ARHGAP28: variants seen among roughly 807,000 people sequenced by gnomAD.
The protein encoded by ARHGAP28 is rho GTPase-activating protein 28.
ARHGAP28 carries 56 observed loss-of-function variants against 90.7 expected under a neutral mutation model. That is an observed-to-expected ratio of 0.62 (90% CI 0.50 to 0.77). The LOEUF (loss-of-function observed/expected upper bound fraction) is 0.77. Ranked by LOEUF, ARHGAP28 falls within the 30% of genes least tolerant of loss-of-function variation. The pLI, the probability that ARHGAP28 is intolerant of heterozygous loss-of-function variation, is 0.00. For synonymous variants in ARHGAP28, 308 were observed against 323.3 expected (o/e 0.95, Z 0.51); for missense variants, 869 against 900.9 (o/e 0.96, Z 0.45).
At chr18:6,805,984 A>G (rs1333694054) in intron 1 of ARHGAP28, among the ~76,000 whole-genome samples, 1 of 152,026 alleles carries the variant, frequency 6.6e-6, no homozygotes, top group Non-Finnish European at 1.5e-5. Flanking sequence ...TCCCGGGTTC[A>G]AGCAGTTCTC....
chr18:6,869,137 C>T lies in ARHGAP28; in HGVS notation c.811+903C>T, dbSNP rs113698800. 1.3e-4 allele frequency among the ~76,000 whole-genome samples: 20 copies of T among 152,146 alleles called. No individual in the cohort carries two copies. In the South Asian group the frequency reaches 4.2e-3, roughly 32 times the overall value. On this transcript the variant is annotated intron_variant, in intron 6 of 17. Transcript: ENST00000383472. Reference sequence around the variant, plus strand: ...CATTGGCCTGTTTAATTGCTGCTCTCCAAAGAGGCTCTTTATAGATCCATA... The same window carrying T: ...CATTGGCCTGTTTAATTGCTGCTCTTCAAAGAGGCTCTTTATAGATCCATA...
In ARHGAP28 at chr18:6,758,341, C is replaced by CT. The variant is rs869196522; in HGVS notation, c.122+28410dup. 5.3e-4 allele frequency among the ~76,000 whole-genome samples: 78 copies of CT among 146,200 alleles called. 1 individual carries two copies. Among genetic ancestry groups the CT allele is most frequent in the Middle Eastern group, 7.1e-3 (2 of 282 alleles). On this transcript the variant is annotated intron_variant, in intron 1 of 17. Transcript: ENST00000383472. ...GCTCTGGAGTCTGGTGCTTGCTTGTCTTTTTTTTTTTTGAAACAAAGTCGC... is the reference window on the plus strand; with the variant it reads ...GCTCTGGAGTCTGGTGCTTGCTTGTCTTTTTTTTTTTTTGAAACAAAGTCGC...
chr18:6,898,238 A>AG (rs2057317973), intron 16 of ARHGAP28: 1 of 405,894 alleles, frequency 2.5e-6, no homozygotes, highest in Non-Finnish European at 4.4e-6. Flanking sequence ...AGTGGAAGGT[A>AG]GGGGGTGGAG....
intron 1 of ARHGAP28, among the ~76,000 whole-genome samples, chr18:6,812,482 C>T (rs1229559702): frequency 6.6e-6 from 1 of 152,154 alleles, no homozygotes; most frequent in Non-Finnish European, 1.5e-5. Context: ...AGTAACATTA[C>T]TGGAAAATGA....
chr18:6,850,832 C>T lies in ARHGAP28; in HGVS notation c.544-202C>T, dbSNP rs1222649735. ...TTTGCTTCTGAGACGAATTCTGTTA[C>T]AGTACATGGCATTTATGAGGATCAA... On this transcript the variant is annotated intron_variant, in intron 3 of 17. Transcript: ENST00000383472. 33 of 1,522,560 alleles carry T rather than the reference C, an allele frequency of 2.2e-5. No homozygotes were observed. The East Asian group carries it at 6.6e-4, about 30-fold the overall frequency. 94.3% of individuals were successfully genotyped at this position (1,522,560 alleles called of 1,614,324 possible). A position where few individuals can be genotyped will look rare whatever the true frequency, so the allele number is the denominator to read the frequency against.
chr18:6,907,702 G>A (rs1315742583), intron 16 of ARHGAP28, among the ~76,000 whole-genome samples: 1 of 152,152 alleles, frequency 6.6e-6, no homozygotes, highest in South Asian at 2.1e-4. Flanking sequence ...GGCAACAGGG[G>A]GTGCCTTGTG....
rs1447839951 is a variant in ARHGAP28 at position 6,839,441 on chromosome 18, CA to C, written c.543+2028del. Among the ~76,000 whole-genome samples the C allele has an allele frequency of 3.9e-5, 6 of 152,026 alleles. No individual in the cohort carries two copies. In the South Asian group the frequency reaches 1.2e-3, roughly 32 times the overall value. ...CCCGAGTAACTGGGACTATAGGCGC[CA>C]GCCACCACGCCTGGCTAATTTTGTT... On this transcript the variant is annotated intron_variant, in intron 3 of 17. Transcript: ENST00000383472.
intron 1 of ARHGAP28, among the ~76,000 whole-genome samples, chr18:6,761,556 C>G (rs946666103): frequency 2.6e-5 from 4 of 152,120 alleles, no homozygotes; most frequent in Admixed American, 1.3e-4. Flanking sequence ...AGGCCCTAGG[C>G]TTGGACCATC....
At chr18:6,807,943 A>G (rs2056530825) in intron 1 of ARHGAP28, among the ~76,000 whole-genome samples, 1 of 152,194 alleles carries the variant, frequency 6.6e-6, no homozygotes, top group Non-Finnish European at 1.5e-5. Context: ...GGGCTATTGT[A>G]GGGCTCAACT....
chr18:6,871,459 G>A (rs1159517577), intron 7 of ARHGAP28, among the ~76,000 whole-genome samples: 1 of 152,150 alleles, frequency 6.6e-6, no homozygotes, highest in African/African-American at 2.4e-5. Flanking sequence ...TCATGGAACA[G>A]ACAATAAAAA....
intron 3 of ARHGAP28, among the ~76,000 whole-genome samples, chr18:6,845,263 G>A (rs1162243745): frequency 6.6e-6 from 1 of 152,006 alleles, no homozygotes; most frequent in Non-Finnish European, 1.5e-5. Context: ...ATTTTTTATA[G>A]AGATGAGGTC....
Position 6,913,144 on chromosome 18 carries a change from T to C in ARHGAP28, c.*990T>C, listed in dbSNP as rs2057407625. The C allele has an allele frequency of 6.6e-6, 1 of 152,254 alleles. No homozygotes were observed. Among genetic ancestry groups the C allele is most frequent in the Non-Finnish European group, 1.5e-5 (1 of 68,050 alleles). 9.4% of individuals were successfully genotyped at this position (152,254 alleles called of 1,614,324 possible). On this transcript the variant is annotated 3_prime_UTR_variant, in exon 18 of 18. Coordinates refer to ENST00000383472, the MANE Select transcript of ARHGAP28 (RefSeq NM_001366230.1). ...AAACTATAAAAGCAGATTTTGCTTT[T>C]GTTTGTTAATCATAGGCATGGCCGA...
At chr18:6,743,965 G>A (rs2056000830) in intron 1 of ARHGAP28, among the ~76,000 whole-genome samples, 1 of 152,060 alleles carries the variant, frequency 6.6e-6, no homozygotes, top group Admixed American at 6.5e-5. Context: ...TCTTATCTCT[G>A]TATCCTTAGC....
At chr18:6,788,124 G>A (rs948902449) in intron 1 of ARHGAP28, among the ~76,000 whole-genome samples, 3 of 152,132 alleles carry the variant, frequency 2.0e-5, no homozygotes, top group African/African-American at 7.2e-5. Context: ...GGTGAGGGGT[G>A]ATTGGATTGT....
intron 16 of ARHGAP28, among the ~76,000 whole-genome samples, chr18:6,904,343 G>A (rs961294760): frequency 1.3e-5 from 2 of 152,110 alleles, no homozygotes; most frequent in Non-Finnish European, 2.9e-5. Flanking sequence ...GCAGTGAGCC[G>A]AAACCACACC....
intron 2 of ARHGAP28, among the ~76,000 whole-genome samples, chr18:6,834,095 T>A (rs1018658955): frequency 6.6e-6 from 1 of 152,006 alleles, no homozygotes; most frequent in South Asian, 2.1e-4. Context: ...TGAACTCCCT[T>A]TAGAGCAGGA....
intron 16 of ARHGAP28, 81 bp downstream of exon 16, chr18:6,896,707 T>A (rs1306706173): frequency 6.6e-7 from 1 of 1,524,300 alleles, no homozygotes; most frequent in East Asian, 2.3e-5. Context: ...ATTTACAAAT[T>A]TGACCTTTTG....
At chr18:6,828,243 C>T (rs1016510227) in intron 2 of ARHGAP28, among the ~76,000 whole-genome samples, 9 of 152,268 alleles carry the variant, frequency 5.9e-5, no homozygotes, top group East Asian at 5.8e-4. Flanking sequence ...CGCAGGCACT[C>T]GGCAGGCCCA....
intron 1 of ARHGAP28, among the ~76,000 whole-genome samples, chr18:6,778,736 A>AT: frequency 6.6e-6 from 1 of 152,246 alleles, no homozygotes; most frequent in Middle Eastern, 3.4e-3. Context: ...GTGCATCTTG[A>AT]TTAGAGTTGA....
Sources: allele counts gnomAD v4.1 joint callset (sites outside exome capture counted in the v4.1 genomes callset), GRCh38; gene constraint gnomAD v4.1.1; transcripts MANE v1.5; gene names NCBI Gene and HGNC (gene_info 2026-07-23, HGNC 2026-07-21).